ASL: variants seen among roughly 807,000 people sequenced by gnomAD.
The protein encoded by ASL is argininosuccinase.
ASL carries 51 observed loss-of-function variants against 69.1 expected under a neutral mutation model. The ratio of observed to expected loss-of-function variants is 0.74; its 90% CI spans 0.59 to 0.93. The LOEUF (loss-of-function observed/expected upper bound fraction) is 0.93, where lower values mean the gene tolerates loss of function less well. Among genes scored for constraint, ASL ranks in the 40% least tolerant of loss-of-function variants. The pLI is 0.00. For missense variants in ASL, 540 were observed against 623.9 expected (o/e 0.87, Z 1.43); for synonymous variants, 241 against 247.6 (o/e 0.97, Z 0.25).
intron 10 of ASL, among the ~76,000 whole-genome samples, chr7:66,088,095 G>T (rs969216347): frequency 5.3e-5 from 8 of 151,970 alleles, no homozygotes; most frequent in Non-Finnish European, 1.0e-4. Flanking sequence ...AACCCAGGAG[G>T]CGGAGGCTGC....
intron 9 of ASL, 166 bp downstream of exon 9, chr7:66,087,552 G>A: frequency 1.0e-6 from 1 of 999,388 alleles, no homozygotes; most frequent in South Asian, 1.4e-5. Flanking sequence ...CTCATGGCAG[G>A]GATGCCTGGT....
intron 10 of ASL, among the ~76,000 whole-genome samples, chr7:66,088,481 CAATA>C (rs112746476): frequency 6.6e-6 from 1 of 151,988 alleles, no homozygotes; most frequent in Non-Finnish European, 1.5e-5. Context: ...GACTCCATCT[CAATA>C]AATAAATAAA....
chr7:66,078,156 C>G lies in ASL; in HGVS notation c.12+2063C>G, dbSNP rs141210889. 3.1e-3 allele frequency among the ~76,000 whole-genome samples: 467 copies of G among 152,318 alleles called. 1 individual carries two copies. The highest frequency in any genetic ancestry group is 0.01 in the African/African-American group (418 of 41,574). ...TACTAACAACCTAGGCAGGGTGGCC[C>G]AGGAGCCCGCTGGGGGAGGCGGTGC... On this transcript the variant is annotated intron_variant, in intron 2 of 16. Coordinates refer to ENST00000304874, the MANE Select transcript of ASL (RefSeq NM_000048.4).
intron 2 of ASL, among the ~76,000 whole-genome samples, chr7:66,076,646 G>A (rs556682428): frequency 1.6e-4 from 25 of 152,300 alleles, no homozygotes; most frequent in African/African-American, 6.0e-4. Flanking sequence ...GCCTCTTAGG[G>A]TCAGTGGCTC....
Position 66,082,995 on chromosome 7 carries a change from G to A in ASL, c.348+59G>A, listed in dbSNP as rs1314506029. The A allele has an allele frequency of 1.9e-6, 3 of 1,611,412 alleles. No homozygotes were observed. In the African/African-American group the frequency reaches 4.0e-5, roughly 21 times the overall value. ...GTCCCAACCTTGAGGAGCCCAGGGG[G>A]CAGTTAGAGTTCTGCAGCGGTCCTG... On this transcript the variant is annotated intron_variant, in intron 5 of 16. Coordinates refer to ENST00000304874, the MANE Select transcript of ASL (RefSeq NM_000048.4).
intron 3 of ASL, 151 bp downstream of exon 3, chr7:66,082,148 A>G (rs1786522181): frequency 8.8e-7 from 1 of 1,132,910 alleles, no homozygotes. Flanking sequence ...GTGTGCCTTG[A>G]TGACTGCCTC....
Position 66,092,019 on chromosome 7 carries a change from A to T in ASL, c.1076A>T (p.Asn359Ile), listed in dbSNP as rs1169417515. ...VISTLQIHQE[N>I]MGQALSPDML... ...CTGTGCCCCCAGATTCACCAAGAGA[A>T]CATGGGACAGGCTCTCAGCCCCGAC... is the stretch of plus-strand genomic sequence containing the variant. The change falls in exon 15 of 17, where the codon AAC becomes ATC. Residue 359 changes from asparagine (N) to isoleucine (I), a missense_variant. Transcript: ENST00000304874. 2 of 1,613,608 alleles carry T rather than the reference A, an allele frequency of 1.2e-6. No homozygotes were observed. Among genetic ancestry groups the T allele is most frequent in the Non-Finnish European group, 1.7e-6 (2 of 1,180,006 alleles).
chr7:66,082,673 C>T (rs1226857137), intron 4 of ASL, among the ~76,000 whole-genome samples: 1 of 151,554 alleles, frequency 6.6e-6, no homozygotes, highest in Non-Finnish European at 1.5e-5. Context: ...CCAGCCTGGG[C>T]AACATAATGA....
Position 66,081,901 on chromosome 7 carries a change from G to T in ASL, c.111G>T (p.Val37=). The change falls in exon 3 of 17, where the codon GTG becomes GTT. Residue 37 remains valine (V), a synonymous_variant. Coordinates refer to ENST00000304874, the MANE Select transcript of ASL (RefSeq NM_000048.4). ...SIAYDRHLWE[V]DVQGSKAYSR... is the part of the protein sequence containing the mutation. ...CCTACGACCGGCACCTTTGGGAGGT[G>T]GATGTTCAAGGCAGCAAAGCCTACA... is the stretch of plus-strand genomic sequence containing the variant. 2.5e-6 allele frequency: 4 copies of T among 1,613,962 alleles called. No individual in the cohort carries two copies. Among genetic ancestry groups the T allele is most frequent in the Non-Finnish European group, 3.4e-6 (4 of 1,180,000 alleles).
intron 14 of ASL, chr7:66,091,610 C>T: frequency 3.6e-6 from 1 of 276,056 alleles, no homozygotes; most frequent in East Asian, 8.6e-5. Context: ...TGGCTGTAGT[C>T]CCAGCTACTT....
At position 66,093,328 on chromosome 7, in the gene ASL, A is replaced by G. The variant is rs913609108; in HGVS notation, c.*416A>G. 3.5e-6 allele frequency: 1 copy of G among 288,530 alleles called. No homozygotes were observed. The highest frequency in any genetic ancestry group is 6.9e-6 in the Non-Finnish European group (1 of 145,828). The allele number at this position is 288,530 out of a possible 1,614,324, so 17.9% of individuals were successfully genotyped here. The stretch of plus-strand genomic sequence containing the variant: ...AGAACCTATCTCTAAAAATAAATAA[A>G]TAAACGAAAAATAAATGGAAGCGGA... On this transcript the variant is annotated 3_prime_UTR_variant, in exon 17 of 17. Coordinates refer to ENST00000304874, the MANE Select transcript of ASL (RefSeq NM_000048.4).
chr7:66,076,005 C>G (rs1333600909), intron 1 of ASL, 34 bp from the exon 2 acceptor site: 1 of 1,549,948 alleles, frequency 6.5e-7, no homozygotes, highest in Non-Finnish European at 8.7e-7. Flanking sequence ...ACCCTGCTGG[C>G]CAAGGAGGTC....
chr7:66,076,228 C>A, intron 2 of ASL, 135 bp downstream of exon 2: 5 of 1,162,324 alleles, frequency 4.3e-6, no homozygotes, highest in Non-Finnish European at 6.2e-6. Context: ...GAAGCCTGCA[C>A]CCCCAGCCCT....
Position 66,075,861 on chromosome 7 carries a change from G to A in ASL, c.-44+5G>A, listed in dbSNP as rs1786329507. ...TATCCGTGCGGCCAGGCGGAGGTGA[G>A]TGCGCGGCGGCCGGATGGGCGGGAC... On this transcript the variant is annotated splice_donor_5th_base_variant and intron_variant, in intron 1 of 16. Transcript: ENST00000304874. The A allele has an allele frequency of 7.0e-6, 4 of 571,186 alleles. No homozygotes were observed. In the Admixed American group the frequency reaches 1.3e-4, roughly 19 times the overall value. The allele number at this position is 571,186 out of a possible 1,614,324, so 35.4% of individuals were successfully genotyped here.
intron 8 of ASL, 191 bp downstream of exon 8, chr7:66,087,012 G>T (rs1036166822): frequency 2.6e-6 from 2 of 758,996 alleles, no homozygotes; most frequent in Non-Finnish European, 2.1e-6. Flanking sequence ...CAGGGCCAGA[G>T]CCCTCCAGCA....
At chr7:66,079,249 G>C (rs568864079) in intron 2 of ASL, among the ~76,000 whole-genome samples, 1 of 152,054 alleles carries the variant, frequency 6.6e-6, no homozygotes, top group South Asian at 2.1e-4. Context: ...CAGGCCAGGT[G>C]GTTAATAGAA....
intron 2 of ASL, among the ~76,000 whole-genome samples, chr7:66,078,029 C>T (rs1025574412): frequency 2.0e-5 from 3 of 152,216 alleles, no homozygotes; most frequent in Non-Finnish European, 4.4e-5. Flanking sequence ...TGGCTTCCAA[C>T]AAGCCCAGTG....
At chr7:66,092,691 C>T (rs773583603) in intron 16 of ASL, 28 bp downstream of exon 16, 1 of 1,613,512 alleles carries the variant, frequency 6.2e-7, no homozygotes, top group South Asian at 1.1e-5. Flanking sequence ...CCCCATGCTG[C>T]CTCCTAGGAA....
At chr7:66,086,371 G>A (rs1786661984) in intron 6 of ASL, among the ~76,000 whole-genome samples, 1 of 152,214 alleles carries the variant, frequency 6.6e-6, no homozygotes, top group African/African-American at 2.4e-5. Flanking sequence ...AAGCCCCACA[G>A]CTCAGGCCCA....
Sources: gnomAD v4.1 joint callset for allele counts (sites outside exome capture counted in the v4.1 genomes callset) on GRCh38, gnomAD v4.1.1 for gene constraint, MANE v1.5 for transcripts, NCBI Gene and HGNC (gene_info 2026-07-23, HGNC 2026-07-21) for gene names.